SYBU: variants seen among roughly 807,000 people sequenced by gnomAD.
SYBU encodes the protein GOLSYN A protein.
Under a neutral mutation model 35.9 loss-of-function variants are expected in SYBU, and 21 were observed. The ratio of observed to expected loss-of-function variants is 0.58; its 90% confidence interval spans 0.41 to 0.84. The LOEUF (loss-of-function observed/expected upper bound fraction) is 0.84, where lower values mean the gene tolerates loss of function less well. Among genes scored for constraint, SYBU ranks in the 40% least tolerant of loss-of-function variants. The probability of loss-of-function intolerance (pLI) is 0.00; values close to 1 mark genes in which losing one functional copy is unlikely to be tolerated. For synonymous variants in SYBU, 319 were observed against 324.3 expected (o/e 0.98, Z 0.18); for missense variants, 768 against 848.2 (o/e 0.91, Z 1.17).
chr8:109,688,746 C>T (rs910530397), intron 1 of SYBU, among the ~76,000 whole-genome samples: 2 of 148,786 alleles, frequency 1.3e-5, no homozygotes, highest in African/African-American at 5.0e-5. Flanking sequence ...GATGCAGACT[C>T]AAAACCTCAG....
At chr8:109,608,916 T>G (rs915088712) in intron 3 of SYBU, among the ~76,000 whole-genome samples, 3 of 152,216 alleles carry the variant, frequency 2.0e-5, no homozygotes, top group African/African-American at 7.2e-5. Context: ...TGTGTAGTAT[T>G]TAGGTAATGC....
intron 3 of SYBU, among the ~76,000 whole-genome samples, chr8:109,592,761 G>A (rs528154714): frequency 2.0e-5 from 3 of 152,308 alleles, no homozygotes; most frequent in African/African-American, 7.2e-5. Context: ...GTCACTAGTT[G>A]TGTATCTTGA....
At chr8:109,649,663 C>T (rs1190284531), upstream of SYBU, among the ~76,000 whole-genome samples, 3 of 152,118 alleles carry the variant, frequency 2.0e-5, no homozygotes, top group East Asian at 3.9e-4. Flanking sequence ...GAGATAGCCT[C>T]CCCCAAAATG....
chr8:109,675,039 A>G lies in SYBU; in HGVS notation c.-129+5672T>C, dbSNP rs555870888. Among the ~76,000 whole-genome samples the G allele has an allele frequency of 2.6e-4, 39 of 152,358 alleles. 1 individual carries two copies. In the South Asian group the frequency reaches 8.1e-3, roughly 32 times the overall value. ...CTGAACAACCTGCTCCTGAATGACCACTGGGTAAATAACGAAATTAAGGCA... is the reference window on the plus strand; with the variant it reads ...CTGAACAACCTGCTCCTGAATGACCGCTGGGTAAATAACGAAATTAAGGCA... On this transcript the variant is annotated intron_variant, in intron 1 of 5. Transcript: ENST00000408889.
chr8:109,615,114 C>T (rs1383204170), intron 3 of SYBU, among the ~76,000 whole-genome samples: 1 of 152,084 alleles, frequency 6.6e-6, no homozygotes, highest in Non-Finnish European at 1.5e-5. Flanking sequence ...AGCAGTGTTC[C>T]AGAATCTAGA....
intron 1 of SYBU, among the ~76,000 whole-genome samples, chr8:109,650,088 C>T (rs1816058886): frequency 6.6e-6 from 1 of 152,086 alleles, no homozygotes; most frequent in Non-Finnish European, 1.5e-5. Context: ...GTTGCCTGAA[C>T]CCAGGAGGGC....
chr8:109,577,955 T>G lies in SYBU; in HGVS notation c.797A>C (p.Gln266Pro). 1 of 1,614,072 alleles carries G rather than the reference T, an allele frequency of 6.2e-7. No individual in the cohort carries two copies. Among genetic ancestry groups the G allele is most frequent in the Non-Finnish European group, 8.5e-7 (1 of 1,179,970 alleles). Residue 266 changes from glutamine to proline, a missense_variant, in exon 6 of 7, where the codon CAG becomes CCG. Gln to Pro is a moderately conservative substitution (Grantham distance 76). Transcript: ENST00000276646. ...NHGVRPPNPE[Q>P]YLTPLQQKEV... ...TTTCTGCTGCAGTGGAGTCAAATAC[T>G]GCTCTGGGTTTGGGGGTCTGACACC...
At chr8:109,656,150 C>A (rs926785088) in intron 1 of SYBU, among the ~76,000 whole-genome samples, 1 of 152,076 alleles carries the variant, frequency 6.6e-6, no homozygotes, top group Non-Finnish European at 1.5e-5. Flanking sequence ...TCTAGGTAGA[C>A]CTATTTTTAA....
chr8:109,578,755 A>C lies in SYBU; in HGVS notation c.735-738T>G, dbSNP rs549408044. Among the ~76,000 whole-genome samples, 273 of 152,304 alleles carry C rather than the reference A, an allele frequency of 1.8e-3. 1 individual carries two copies. Among genetic ancestry groups the C allele is most frequent in the Admixed American group, 3.7e-3 (56 of 15,302 alleles). On this transcript the variant is annotated intron_variant, in intron 5 of 6. Coordinates refer to ENST00000276646, the MANE Select transcript of SYBU (RefSeq NM_001099754.2). The stretch of plus-strand genomic sequence containing the variant: ...GTCAGGGGATGGGCCCGGGCAGAAG[A>C]GAAGGAAGCCAGCCAGAGGACCTAA...
At chr8:109,670,915 G>C (rs893095025) in intron 1 of SYBU, among the ~76,000 whole-genome samples, 40 of 152,238 alleles carry the variant, frequency 2.6e-4, no homozygotes, top group African/African-American at 9.1e-4. Flanking sequence ...AAGAGAGAGA[G>C]AGACTTTGCT....
intron 1 of SYBU, among the ~76,000 whole-genome samples, chr8:109,688,904 C>T (rs1054740166): frequency 6.6e-5 from 10 of 151,958 alleles, no homozygotes; most frequent in Non-Finnish European, 1.5e-4. Context: ...GAAATTAATA[C>T]CTATTGCTAA....
At chr8:109,641,632 G>A (rs1228131403) in intron 2 of SYBU, among the ~76,000 whole-genome samples, 1 of 152,200 alleles carries the variant, frequency 6.6e-6, no homozygotes, top group African/African-American at 2.4e-5. Flanking sequence ...CCTTGATCTT[G>A]ACCTCATTTA....
intron 1 of SYBU, among the ~76,000 whole-genome samples, chr8:109,657,044 C>T (rs1261771748): frequency 6.6e-6 from 1 of 152,080 alleles, no homozygotes; most frequent in Non-Finnish European, 1.5e-5. Flanking sequence ...GGACAAGATA[C>T]AGGTGTATCT....
upstream of SYBU, chr8:109,648,612 G>A (rs1439753867): frequency 6.6e-6 from 1 of 152,114 alleles, no homozygotes; most frequent in Non-Finnish European, 1.5e-5. Context: ...CAAATGCACT[G>A]CTGAAAAGAA....
chr8:109,628,929 GCTCCTGAAGAGGT>G (rs1359526618), intron 2 of SYBU, among the ~76,000 whole-genome samples: 6 of 152,078 alleles, frequency 3.9e-5, no homozygotes, highest in Non-Finnish European at 8.8e-5. Context: ...GTCATAGAAG[GCTCCTGAAGAGGT>G]CTTTTGACCC....
intron 2 of SYBU, among the ~76,000 whole-genome samples, chr8:109,630,373 T>C (rs1252910945): frequency 6.6e-6 from 1 of 150,876 alleles, no homozygotes; most frequent in African/African-American, 2.4e-5. Flanking sequence ...TGTATACATA[T>C]GTAACTAACC....
At position 109,632,648 on chromosome 8, in the gene SYBU, T is replaced by A. The variant is rs548501086; in HGVS notation, c.229+10080A>T. On this transcript the variant is annotated intron_variant, in intron 2 of 6. Coordinates refer to ENST00000276646, the MANE Select transcript of SYBU (RefSeq NM_001099754.2). ...TATATCATGGAATTTACTTCTTTTT[T>A]AAAAAAAAGAACAAAAGAAGAAAAT... 1.7e-4 allele frequency among the ~76,000 whole-genome samples: 26 copies of A among 151,990 alleles called. No individual in the cohort carries two copies. In the East Asian group the frequency reaches 3.5e-3, roughly 20 times the overall value.
At chr8:109,590,453 T>A (rs1272896212) in intron 3 of SYBU, among the ~76,000 whole-genome samples, 5 of 151,886 alleles carry the variant, frequency 3.3e-5, no homozygotes, top group African/African-American at 4.8e-5. Flanking sequence ...TCTTGAAAAA[T>A]TGTAAATGTA....
At position 109,575,357 on chromosome 8, in the gene SYBU, CAG is replaced by C. The variant is rs1006398580; in HGVS notation, c.1539_1540del (p.Cys514SerfsTer8). ...ATCAGGGGACGCCAAGCTCGAGGGACAGGGGTCCTGGAGCTTCTGCAGCACAC... is the reference window on the plus strand; with the variant it reads ...ATCAGGGGACGCCAAGCTCGAGGGACGGGTCCTGGAGCTTCTGCAGCACAC... On this transcript the variant is annotated frameshift_variant, in exon 7 of 7. Coordinates refer to ENST00000276646, the MANE Select transcript of SYBU (RefSeq NM_001099754.2). LOFTEE classifies it low-confidence loss of function (END_TRUNC). 1 of 1,614,132 alleles carries C rather than the reference CAG, an allele frequency of 6.2e-7. No individual in the cohort carries two copies. Among genetic ancestry groups the C allele is most frequent in the Non-Finnish European group, 8.5e-7 (1 of 1,180,026 alleles).
Sources: gnomAD v4.1 joint callset for allele counts (sites outside exome capture counted in the v4.1 genomes callset) on GRCh38, gnomAD v4.1.1 for gene constraint, MANE v1.5 for transcripts, NCBI Gene and HGNC (gene_info 2026-07-23, HGNC 2026-07-21) for gene names.